The following SSBP2 variants were observed in gnomAD, a reference collection of about 807,000 sequenced individuals.
SSBP2 encodes single stranded DNA binding protein 2.
A neutral mutation model predicts 61.8 loss-of-function variants in SSBP2; 17 were observed. The ratio of observed to expected loss-of-function variants is 0.28; its 90% CI spans 0.19 to 0.41. SSBP2 has a LOEUF of 0.41. Ranked by LOEUF, SSBP2 falls within the 10% of genes least tolerant of loss-of-function variation. The probability of loss-of-function intolerance (pLI) is 1.00; values close to 1 mark genes in which losing one functional copy is unlikely to be tolerated. For missense variants in SSBP2, 310 were observed against 458.7 expected (o/e 0.68, Z 2.96); for synonymous variants, 139 against 141.3 (o/e 0.98, Z 0.12).
rs1451988672 is a variant in SSBP2, at chr5:81,735,280, A to C, written c.62+15701T>G. Among the ~76,000 whole-genome samples the C allele has an allele frequency of 2.0e-5, 3 of 152,212 alleles. No homozygotes were observed. In the East Asian group the frequency reaches 5.8e-4, roughly 29 times the overall value. On this transcript the variant is annotated intron_variant, in intron 1 of 16. Coordinates refer to ENST00000320672, the MANE Select transcript of SSBP2 (RefSeq NM_012446.5). ...TAAGACAATCATGAGATTTACGTAG[A>C]AATACACTATTAGTAATATATAACA...
intron 15 of SSBP2, among the ~76,000 whole-genome samples, 159 bp from the exon 16 acceptor site, chr5:81,428,842 T>C (rs1297806459): frequency 6.6e-6 from 1 of 152,110 alleles, no homozygotes; most frequent in Admixed American, 6.6e-5. Context: ...TCTTTGCACT[T>C]TGACAAGTAC....
chr5:81,604,974 T>C (rs928796975), intron 4 of SSBP2, among the ~76,000 whole-genome samples: 2 of 152,130 alleles, frequency 1.3e-5, no homozygotes, highest in African/African-American at 4.8e-5. Context: ...AATTTGTTAA[T>C]TGAAACTCCC....
At chr5:81,466,947 TGTA>T in intron 9 of SSBP2, 24 bp downstream of exon 9, 1 of 1,357,678 alleles carries the variant, frequency 7.4e-7, no homozygotes, top group Non-Finnish European at 1.0e-6. Context: ...CACGTAATAA[TGTA>T]GTATATGATA....
At chr5:81,479,060 GT>G (rs1400704271) in intron 6 of SSBP2, among the ~76,000 whole-genome samples, 8 of 152,116 alleles carry the variant, frequency 5.3e-5, no homozygotes, top group African/African-American at 1.9e-4. Context: ...ACTCATCACT[GT>G]TTGTCTTTTA....
At position 81,489,312 on chromosome 5, in the gene SSBP2, A is replaced by G; in HGVS notation, c.373-3T>C. 1 of 1,602,848 alleles carries G rather than the reference A, an allele frequency of 6.2e-7. No homozygotes were observed. The highest frequency in any genetic ancestry group is 1.3e-5 in the African/African-American group (1 of 74,132). ...GGGTACCGAGGTGACATAAAAGGCT[A>G]TTGAAGTAAAACAAATAAACAAACA... On this transcript the variant is annotated splice_region_variant and splice_polypyrimidine_tract_variant and intron_variant, in intron 5 of 16. Coordinates refer to ENST00000320672, the MANE Select transcript of SSBP2 (RefSeq NM_012446.5).
intron 4 of SSBP2, among the ~76,000 whole-genome samples, chr5:81,589,792 C>T (rs569733870): frequency 6.6e-6 from 1 of 151,968 alleles, no homozygotes; most frequent in Non-Finnish European, 1.5e-5. Context: ...AATTGAGAGG[C>T]TATATCTGGT....
Position 81,528,874 on chromosome 5 carries a change from A to G in SSBP2, c.283-15157T>C, listed in dbSNP as rs115687872. 1.6e-3 allele frequency among the ~76,000 whole-genome samples: 241 copies of G among 152,210 alleles called. 1 individual carries two copies. The highest frequency in any genetic ancestry group is 5.6e-3 in the African/African-American group (233 of 41,562). On this transcript the variant is annotated intron_variant, in intron 4 of 16. Coordinates refer to ENST00000320672, the MANE Select transcript of SSBP2 (RefSeq NM_012446.5). ...CTTCAAAATTCATCAAGCAAAACTG[A>G]CAAAATTGCAAAGAGAAATGAACAA...
At chr5:81,601,855 G>A (rs564505735) in intron 4 of SSBP2, among the ~76,000 whole-genome samples, 2 of 152,254 alleles carry the variant, frequency 1.3e-5, no homozygotes, top group Admixed American at 1.3e-4. Context: ...CTGAAGACCT[G>A]TGAACTAAAG....
chr5:81,424,908 T>C (rs1027150897), intron 16 of SSBP2, among the ~76,000 whole-genome samples: 3 of 152,370 alleles, frequency 2.0e-5, no homozygotes, highest in South Asian at 2.1e-4. Flanking sequence ...GATGACATAT[T>C]GTAATGTTTA....
chr5:81,596,376 A>G (rs887550492), intron 4 of SSBP2, among the ~76,000 whole-genome samples: 24 of 133,922 alleles, frequency 1.8e-4, no homozygotes, highest in South Asian at 2.7e-4. Flanking sequence ...ATGCTCATGG[A>G]TAGGAAGAAT....
At chr5:81,506,943 T>C (rs1478188566) in intron 5 of SSBP2, among the ~76,000 whole-genome samples, 1 of 152,172 alleles carries the variant, frequency 6.6e-6, no homozygotes, top group Non-Finnish European at 1.5e-5. Flanking sequence ...TTTGAGCTTT[T>C]TGTCCTTGTT....
At chr5:81,635,786 G>A (rs1379837118) in intron 3 of SSBP2, among the ~76,000 whole-genome samples, 1 of 151,906 alleles carries the variant, frequency 6.6e-6, no homozygotes, top group Non-Finnish European at 1.5e-5. Context: ...GGGTTTCGCT[G>A]TGTTAGCCAG....
chr5:81,739,105 C>T (rs537814104), intron 1 of SSBP2, among the ~76,000 whole-genome samples: 2 of 116,632 alleles, frequency 1.7e-5, no homozygotes, highest in African/African-American at 3.3e-5. Context: ...GTGGAGGTTT[C>T]GGTGAGCCGA....
At chr5:81,589,441 T>TA (rs201088970) in intron 4 of SSBP2, among the ~76,000 whole-genome samples, 1,686 of 152,334 alleles carry the variant, frequency 0.011, 43 homozygotes, top group African/African-American at 0.038. Flanking sequence ...TTAATCTTGG[T>TA]AAAAATAAAT....
intron 1 of SSBP2, among the ~76,000 whole-genome samples, chr5:81,714,603 T>C (rs972934185): frequency 1.3e-5 from 2 of 152,254 alleles, no homozygotes; most frequent in African/African-American, 4.8e-5. Flanking sequence ...CTAACTGGCA[T>C]GAGATGGTAT....
chr5:81,460,642 T>C (rs757843987), intron 10 of SSBP2, among the ~76,000 whole-genome samples: 11 of 152,178 alleles, frequency 7.2e-5, no homozygotes, highest in Non-Finnish European at 1.3e-4. Context: ...CTAGATGTAA[T>C]TGATATAGCA....
chr5:81,430,564 C>A (rs944821166), intron 15 of SSBP2, among the ~76,000 whole-genome samples: 2 of 152,194 alleles, frequency 1.3e-5, no homozygotes, highest in African/African-American at 4.8e-5. Context: ...TAACTTCAAA[C>A]CTGATTCCTA....
intron 1 of SSBP2, among the ~76,000 whole-genome samples, chr5:81,708,338 T>C (rs960758946): frequency 2.0e-5 from 3 of 152,118 alleles, no homozygotes; most frequent in Non-Finnish European, 2.9e-5. Flanking sequence ...TGGAGTAGAG[T>C]TGACTTTAGA....
At chr5:81,723,332 A>T (rs567601017) in intron 1 of SSBP2, among the ~76,000 whole-genome samples, 1 of 152,150 alleles carries the variant, frequency 6.6e-6, no homozygotes, top group African/African-American at 2.4e-5. Flanking sequence ...CCAGTTAATG[A>T]TGTCAATGTA....
Sources: gnomAD v4.1 joint callset for allele counts (sites outside exome capture counted in the v4.1 genomes callset) on GRCh38, gnomAD v4.1.1 for gene constraint, MANE v1.5 for transcripts, NCBI Gene and HGNC (gene_info 2026-07-23, HGNC 2026-07-21) for gene names.